The following PSME4 variants were observed in gnomAD, a reference collection of about 807,000 sequenced individuals.
PSME4 encodes the protein proteasome activator complex subunit 4.
PSME4 carries 89 observed loss-of-function variants against 253.9 expected under a neutral mutation model. The observed-to-expected ratio is 0.35, with a 90% CI of 0.30 to 0.42. PSME4 has a LOEUF of 0.42. Among genes scored for constraint, PSME4 ranks in the 10% least tolerant of loss-of-function variants. The probability of loss-of-function intolerance (pLI) is 1.00; values close to 1 mark genes in which losing one functional copy is unlikely to be tolerated. For missense variants in PSME4, 2,014 were observed against 2,195.2 expected (o/e 0.92, Z 1.65); for synonymous variants, 851 against 759.2 (o/e 1.12, Z -1.99).
intron 43 of PSME4, among the ~76,000 whole-genome samples, chr2:53,871,476 G>C (rs903584750): frequency 6.6e-6 from 1 of 151,156 alleles, no homozygotes; most frequent in Non-Finnish European, 1.5e-5. Context: ...GGATGGTCTC[G>C]ATCTCCTGAC....
intron 4 of PSME4, among the ~76,000 whole-genome samples, chr2:53,939,751 C>A (rs1669297788): frequency 6.6e-6 from 1 of 152,094 alleles, no homozygotes; most frequent in African/African-American, 2.4e-5. Context: ...TCTTACTTTA[C>A]AATGGATGAC....
At chr2:53,908,681 A>G (rs1667676904) in intron 22 of PSME4, 103 bp downstream of exon 22, 1 of 1,438,262 alleles carries the variant, frequency 7.0e-7, no homozygotes, top group Non-Finnish European at 9.5e-7. Context: ...TATTCTCACC[A>G]TTTAGAATAA....
At chr2:53,951,628 T>C (rs1202534862) in intron 1 of PSME4, among the ~76,000 whole-genome samples, 5 of 152,214 alleles carry the variant, frequency 3.3e-5, no homozygotes, top group Non-Finnish European at 7.3e-5. Context: ...GTTGAATACC[T>C]TTAATCCGAA....
chr2:53,869,356 T>C lies in PSME4; in HGVS notation c.5263+20A>G. 6.3e-7 allele frequency: 1 copy of C among 1,588,402 alleles called. No homozygotes were observed. Among genetic ancestry groups the C allele is most frequent in the Non-Finnish European group, 8.6e-7 (1 of 1,160,960 alleles). ...ATTAATTCCCAATAGGATACAGGTGTTTCCTACCAGCAATGTTACCTGCAG... is the reference window on the plus strand; with the variant it reads ...ATTAATTCCCAATAGGATACAGGTGCTTCCTACCAGCAATGTTACCTGCAG... On this transcript the variant is annotated intron_variant, in intron 44 of 46. Coordinates refer to ENST00000404125, the MANE Select transcript of PSME4 (RefSeq NM_014614.3).
intron 1 of PSME4, 25 bp downstream of exon 1, chr2:53,970,518 G>A (rs1671017896): frequency 1.3e-6 from 2 of 1,546,658 alleles, no homozygotes; most frequent in Admixed American, 2.0e-5. Flanking sequence ...CCCCCGGCCC[G>A]GCCCGCAGGC....
intron 41 of PSME4, among the ~76,000 whole-genome samples, chr2:53,879,443 C>A (rs572537230): frequency 5.3e-5 from 8 of 152,224 alleles, no homozygotes; most frequent in African/African-American, 1.7e-4. Context: ...GTTTATCTGG[C>A]TGGCAGGAAA....
intron 31 of PSME4, 111 bp from the exon 32 acceptor site, chr2:53,896,996 G>C (rs934039392): frequency 1.3e-6 from 1 of 786,418 alleles, no homozygotes. Flanking sequence ...AAAACACCTC[G>C]CCTATCGACA....
chr2:53,867,237 G>A (rs1284328375), intron 44 of PSME4, among the ~76,000 whole-genome samples: 1 of 152,134 alleles, frequency 6.6e-6, no homozygotes, highest in Non-Finnish European at 1.5e-5. Flanking sequence ...AGGCATGGTG[G>A]TTCATGCCTA....
chr2:53,967,342 C>T (rs573611478), intron 1 of PSME4, among the ~76,000 whole-genome samples: 3 of 151,978 alleles, frequency 2.0e-5, no homozygotes, highest in African/African-American at 7.2e-5. Context: ...GACTGAACTA[C>T]TAAAAATGAA....
intron 20 of PSME4, among the ~76,000 whole-genome samples, chr2:53,915,715 A>G (rs1002464194): frequency 6.6e-6 from 1 of 152,160 alleles, no homozygotes; most frequent in Admixed American, 6.5e-5. Context: ...AATCTGACAA[A>G]AAAAAATTAC....
intron 26 of PSME4, 37 bp from the exon 27 acceptor site, chr2:53,904,193 A>T (rs1680540044): frequency 1.9e-6 from 3 of 1,571,470 alleles, no homozygotes. Flanking sequence ...CTTTTATTAA[A>T]TAGTAAAGTA....
In PSME4 at chr2:53,908,746, C is replaced by G. The variant is rs1366501656; in HGVS notation, c.2629+38G>C. On this transcript the variant is annotated intron_variant, in intron 22 of 46. Transcript: ENST00000404125. ...AGATTAAAATTCCAAAATACTTATT[C>G]CAAAGTACAAATAAGTTAAATGTAC... 6 of 1,511,438 alleles carry G rather than the reference C, an allele frequency of 4.0e-6. No homozygotes were observed. In the South Asian group the frequency reaches 4.8e-5, roughly 12 times the overall value. 93.6% of individuals were successfully genotyped at this position (1,511,438 alleles called of 1,614,324 possible). A position where few individuals can be genotyped will look rare whatever the true frequency, so the allele number is the denominator to read the frequency against.
chr2:53,938,834 T>A (rs1168859927), intron 4 of PSME4, among the ~76,000 whole-genome samples: 2 of 152,214 alleles, frequency 1.3e-5, no homozygotes. Flanking sequence ...AGCGTTTATG[T>A]GTCAGGTCCT....
chr2:53,948,250 G>A (rs1194356312), intron 3 of PSME4, among the ~76,000 whole-genome samples, 171 bp downstream of exon 3: 1 of 152,186 alleles, frequency 6.6e-6, no homozygotes, highest in African/African-American at 2.4e-5. Context: ...TGCAGCCTCA[G>A]ATACAGTTTA....
At chr2:53,929,938 A>C (rs2104458344) in intron 10 of PSME4, among the ~76,000 whole-genome samples, 1 of 152,164 alleles carries the variant, frequency 6.6e-6, no homozygotes, top group South Asian at 2.1e-4. Context: ...GAATCGCTTG[A>C]ACCCGAGAGG....
At chr2:53,932,463 A>G (rs1668876207) in intron 9 of PSME4, among the ~76,000 whole-genome samples, 1 of 152,220 alleles carries the variant, frequency 6.6e-6, no homozygotes, top group African/African-American at 2.4e-5. Context: ...AAAATGAGCC[A>G]TGTTGTCAAC....
rs1374041237 is a variant in PSME4 at position 53,937,432 on chromosome 2, A to C, written c.654T>G (p.Leu218=). ...GAAGTTCTGGAGGAAGGGAGGTAGG[A>C]AGAAATATTTCAAAATAAGTGATGG... is the stretch of plus-strand genomic sequence containing the variant. ...QKAITYFEIF[L]PTSLPPELHH... Residue 218 remains leucine, a synonymous_variant, in exon 5 of 47, where the codon CTT becomes CTG. Transcript: ENST00000404125. The C allele has an allele frequency of 6.2e-7, 1 of 1,609,710 alleles. No homozygotes were observed.
At chr2:53,869,604 G>C in intron 43 of PSME4, 66 bp from the exon 44 acceptor site, 1 of 1,312,592 alleles carries the variant, frequency 7.6e-7, no homozygotes, top group Non-Finnish European at 1.0e-6. Flanking sequence ...GAGGATAGGG[G>C]GTAGTGTGGG....
chr2:53,937,312 G>C, intron 5 of PSME4, 79 bp downstream of exon 5: 2 of 1,288,534 alleles, frequency 1.6e-6, no homozygotes, highest in Non-Finnish European at 1.1e-6. Flanking sequence ...GATTTTTCTA[G>C]TTGTTATTGT....
Sources: allele counts gnomAD v4.1 joint callset (sites outside exome capture counted in the v4.1 genomes callset), GRCh38; gene constraint gnomAD v4.1.1; transcripts MANE v1.5; gene names NCBI Gene and HGNC (gene_info 2026-07-23, HGNC 2026-07-21).